Variants in WDR49 observed in about 807,000 individuals in gnomAD.
WDR49 encodes WD repeat domain 49, also known as cilia- and flagella-associated protein 337.
A neutral mutation model predicts 119.5 loss-of-function variants in WDR49; 107 were observed. The ratio of observed to expected loss-of-function variants is 0.90; its 90% CI spans 0.77 to 1.05. WDR49 has a LOEUF of 1.05. Among genes scored for constraint, WDR49 ranks in the 50% least tolerant of loss-of-function variants. The pLI is 0.00. For missense variants in WDR49, 1,240 were observed against 1,220.5 expected (o/e 1.02, Z -0.24); for synonymous variants, 425 against 418.8 (o/e 1.01, Z -0.18).
At chr3:167,527,414 T>C (rs962140288) in intron 15 of WDR49, among the ~76,000 whole-genome samples, 1 of 151,520 alleles carries the variant, frequency 6.6e-6, no homozygotes, top group African/African-American at 2.4e-5. Context: ...GGATGATTGG[T>C]TTTTTTTTCT....
chr3:167,611,266 C>G (rs1560312687), intron 5 of WDR49, among the ~76,000 whole-genome samples: 1 of 152,146 alleles, frequency 6.6e-6, no homozygotes, highest in East Asian at 1.9e-4. Context: ...GCGTTGCTCT[C>G]AGCTTAAAAT....
chr3:167,486,588 G>T (rs181070795), intron 18 of WDR49, among the ~76,000 whole-genome samples: 151 of 152,160 alleles, frequency 9.9e-4, no homozygotes, highest in African/African-American at 3.5e-3. Context: ...AAACAAAAAA[G>T]AGCAGGGGTC....
At chr3:167,534,071 T>C (rs146488976) in intron 11 of WDR49, among the ~76,000 whole-genome samples, 154 of 151,886 alleles carry the variant, frequency 1.0e-3, no homozygotes, top group African/African-American at 3.4e-3. Context: ...GGCATGTGCC[T>C]GTAATCCCAG....
At chr3:167,537,349 A>G (rs370795707) in intron 10 of WDR49, among the ~76,000 whole-genome samples, 43 of 152,290 alleles carry the variant, frequency 2.8e-4, no homozygotes, top group African/African-American at 1.0e-3. Context: ...TATAGCAATA[A>G]CAATTAAAAG....
intron 18 of WDR49, among the ~76,000 whole-genome samples, chr3:167,495,883 G>GAAAAAAAAAAAAAAAAA: frequency 4.6e-4 from 33 of 71,222 alleles, no homozygotes; most frequent in Non-Finnish European, 5.7e-4. Flanking sequence ...TTAAAAATTT[G>GAAAAAAAAAAAAAAAAA]AAAAAAAAAA....
chr3:167,642,952 G>C (rs939927373), intron 2 of WDR49, among the ~76,000 whole-genome samples: 9 of 152,022 alleles, frequency 5.9e-5, no homozygotes, highest in African/African-American at 1.4e-4. Context: ...TCAAGGCAGA[G>C]AGAGAGAATG....
At chr3:167,588,700 G>A (rs1009792685) in intron 7 of WDR49, among the ~76,000 whole-genome samples, 3 of 151,832 alleles carry the variant, frequency 2.0e-5, no homozygotes, top group Non-Finnish European at 2.9e-5. Context: ...AAATAATATC[G>A]AGCACCTTTT....
chr3:167,503,459 G>A (rs556805752), intron 17 of WDR49, among the ~76,000 whole-genome samples: 8 of 152,314 alleles, frequency 5.3e-5, no homozygotes, highest in Admixed American at 2.0e-4. Context: ...TTGGCCTCAC[G>A]GATTCCAAGG....
chr3:167,638,590 A>G (rs1559928145), intron 2 of WDR49, among the ~76,000 whole-genome samples: 1 of 151,562 alleles, frequency 6.6e-6, no homozygotes, highest in Non-Finnish European at 1.5e-5. Context: ...AAGATTAGAT[A>G]TGTTATTGCA....
intron 18 of WDR49, among the ~76,000 whole-genome samples, chr3:167,481,845 C>T (rs1750728545): frequency 6.6e-6 from 1 of 152,196 alleles, no homozygotes; most frequent in South Asian, 2.1e-4. Context: ...ATTCAATTAC[C>T]TCCCCCTAGG....
chr3:167,551,103 T>G (rs1223740725), intron 10 of WDR49, among the ~76,000 whole-genome samples: 1 of 152,046 alleles, frequency 6.6e-6, no homozygotes, highest in Non-Finnish European at 1.5e-5. Flanking sequence ...AAAAATTCTC[T>G]AGATATGAAT....
At position 167,570,777 on chromosome 3, in the gene WDR49, C is replaced by T. The variant is rs542391364; in HGVS notation, c.1509+5141G>A. 1.2e-4 allele frequency among the ~76,000 whole-genome samples: 19 copies of T among 152,316 alleles called. No individual in the cohort carries two copies. The South Asian group carries it at 3.7e-3, about 30-fold the overall frequency. ...ATAAGGCCGGATGCAGTGGCTCACG[C>T]CTGCAATCCCAGCACTTTGGGAAGC... is the stretch of plus-strand genomic sequence containing the variant. On this transcript the variant is annotated intron_variant, in intron 8 of 18. Transcript: ENST00000682715.
intron 5 of WDR49, among the ~76,000 whole-genome samples, chr3:167,605,066 T>C (rs1028483555): frequency 6.6e-6 from 1 of 151,132 alleles, no homozygotes; most frequent in Non-Finnish European, 1.5e-5. Flanking sequence ...ATATGGCGTA[T>C]ATATACACAC....
chr3:167,611,593 C>G (rs949059893), intron 5 of WDR49, among the ~76,000 whole-genome samples: 1 of 151,948 alleles, frequency 6.6e-6, no homozygotes, highest in African/African-American at 2.4e-5. Flanking sequence ...CACACTTCAC[C>G]TATAAAGGCA....
chr3:167,537,385 T>A (rs1711526870), intron 10 of WDR49, among the ~76,000 whole-genome samples: 1 of 152,150 alleles, frequency 6.6e-6, no homozygotes, highest in South Asian at 2.1e-4. Flanking sequence ...GAACAAATAA[T>A]GTTTTGTACT....
rs187516323 is a variant in WDR49 at position 167,515,220 on chromosome 3, T to C, written c.2774+7095A>G. On this transcript the variant is annotated intron_variant, in intron 16 of 18. Transcript: ENST00000682715. Reference sequence around the variant, plus strand: ...CTTCAGCCAATATCCCTGATGAACATTGATGCAAAAATCCTCAATAAAATA... The same window carrying C: ...CTTCAGCCAATATCCCTGATGAACACTGATGCAAAAATCCTCAATAAAATA... 1.6e-3 allele frequency among the ~76,000 whole-genome samples: 245 copies of C among 152,256 alleles called. 4 individuals are homozygous for C. The East Asian group carries it at 0.031, about 19-fold the overall frequency.
At chr3:167,492,001 C>A (rs1751151630) in intron 18 of WDR49, among the ~76,000 whole-genome samples, 1 of 152,074 alleles carries the variant, frequency 6.6e-6, no homozygotes, top group African/African-American at 2.4e-5. Flanking sequence ...GTGAGACTAG[C>A]AAAATGCCTC....
chr3:167,547,733 A>G (rs182069800), intron 10 of WDR49, among the ~76,000 whole-genome samples: 275 of 151,774 alleles, frequency 1.8e-3, no homozygotes, highest in African/African-American at 6.5e-3. Flanking sequence ...ATTATAAAAA[A>G]TGACACCAGT....
intron 10 of WDR49, among the ~76,000 whole-genome samples, chr3:167,550,458 G>T (rs965454045): frequency 7.2e-5 from 11 of 151,892 alleles, no homozygotes; most frequent in Admixed American, 6.6e-4. Flanking sequence ...TTGAAGCAAT[G>T]GTGAATGGGA....
Sources: allele counts gnomAD v4.1 joint callset (sites outside exome capture counted in the v4.1 genomes callset), GRCh38; gene constraint gnomAD v4.1.1; transcripts MANE v1.5; gene names NCBI Gene and HGNC (gene_info 2026-07-23, HGNC 2026-07-21).